IPO11: variants seen among roughly 807,000 people sequenced by gnomAD.
IPO11 encodes importin 11.
A neutral mutation model predicts 143.2 loss-of-function variants in IPO11; 66 were observed. That is an observed-to-expected ratio of 0.46 (90% CI 0.38 to 0.57). The LOEUF (loss-of-function observed/expected upper bound fraction) is 0.57, where lower values mean the gene tolerates loss of function less well. IPO11 is among the 20% of genes least tolerant of loss of function. IPO11 has a pLI of 0.00. For missense variants in IPO11, 1,026 were observed against 1,141.0 expected (o/e 0.90, Z 1.45); for synonymous variants, 385 against 377.8 (o/e 1.02, Z -0.22).
At chr5:62,487,934 C>T in intron 13 of IPO11, 73 bp downstream of exon 13, 1 of 1,248,688 alleles carries the variant, frequency 8.0e-7, no homozygotes, top group Non-Finnish European at 1.1e-6. Context: ...TGAGTGCCTA[C>T]AATGCATACT....
At chr5:62,426,668 T>C (rs1743753747) in intron 1 of IPO11, among the ~76,000 whole-genome samples, 1 of 151,948 alleles carries the variant, frequency 6.6e-6, no homozygotes. Flanking sequence ...TTTTTCATTA[T>C]TAAAGTGTGT....
At chr5:62,520,375 A>AC (rs1742164253) in intron 20 of IPO11, among the ~76,000 whole-genome samples, 1 of 147,294 alleles carries the variant, frequency 6.8e-6, no homozygotes, top group African/African-American at 2.5e-5. Context: ...GATACGACAG[A>AC]TTTTTTTTTT....
In IPO11 at chr5:62,416,601, A is replaced by G. The variant is rs549529611; in HGVS notation, c.-7+3672A>G. Among the ~76,000 whole-genome samples, 21 of 152,300 alleles carry G rather than the reference A, an allele frequency of 1.4e-4. No homozygotes were observed. The East Asian group carries it at 4.0e-3, about 29-fold the overall frequency. On this transcript the variant is annotated intron_variant, in intron 1 of 29. Transcript: ENST00000325324. The stretch of plus-strand genomic sequence containing the variant: ...TCCAAATACTGAGGGTTCGGGGGTT[A>G]GGGCTTCAACATGAATTTTTAAGGA...
intron 16 of IPO11, 72 bp from the exon 17 acceptor site, chr5:62,504,595 A>T: frequency 2.3e-6 from 2 of 869,654 alleles, no homozygotes; most frequent in Non-Finnish European, 3.6e-6. Flanking sequence ...TTGGAATAAA[A>T]TTTTTTGTTT....
At chr5:62,609,620 G>A (rs1001251284) in intron 29 of IPO11, among the ~76,000 whole-genome samples, 4 of 152,208 alleles carry the variant, frequency 2.6e-5, no homozygotes, top group African/African-American at 9.6e-5. Context: ...TGAGATGTAG[G>A]GCTGACAACA....
At chr5:62,544,629 G>C (rs1285465470) in intron 24 of IPO11, among the ~76,000 whole-genome samples, 1 of 152,132 alleles carries the variant, frequency 6.6e-6, no homozygotes, top group Non-Finnish European at 1.5e-5. Context: ...AGAAATCAAT[G>C]ATATTCAATT....
chr5:62,489,242 T>G, intron 13 of IPO11, 60 bp from the exon 14 acceptor site: 1 of 987,900 alleles, frequency 1.0e-6, no homozygotes, highest in Non-Finnish European at 1.4e-6. Context: ...AAATATAAAT[T>G]TTTTAAAAAA....
chr5:62,435,639 G>A (rs1288372173), intron 1 of IPO11, among the ~76,000 whole-genome samples: 1 of 151,634 alleles, frequency 6.6e-6, no homozygotes, highest in Non-Finnish European at 1.5e-5. Context: ...ACTTTGGGTG[G>A]CCAAGGACCT....
chr5:62,601,879 A>G (rs756465965), intron 29 of IPO11, 31 bp downstream of exon 29: 1 of 1,340,778 alleles, frequency 7.5e-7, no homozygotes, highest in Middle Eastern at 1.9e-4. Flanking sequence ...GTAAAAATTA[A>G]GAACCATATA....
At chr5:62,435,090 A>ATGTATATATG (rs1554047164) in intron 1 of IPO11, among the ~76,000 whole-genome samples, 11,181 of 82,000 alleles carry the variant, frequency 0.14, 1,173 homozygotes, top group South Asian at 0.23. Context: ...ATGTGTATAT[A>ATGTATATATG]TGTATATATG....
intron 18 of IPO11, among the ~76,000 whole-genome samples, chr5:62,505,456 A>G (rs1741522141): frequency 1.3e-5 from 2 of 152,132 alleles, no homozygotes; most frequent in African/African-American, 4.8e-5. Context: ...GGTGAGAAGA[A>G]AGTTACGTGA....
Position 62,487,826 on chromosome 5 carries a change from C to T in IPO11, c.1274C>T (p.Thr425Ile), listed in dbSNP as rs1197345106. The T allele has an allele frequency of 3.7e-6, 6 of 1,610,120 alleles. No homozygotes were observed. The highest frequency in any genetic ancestry group is 5.1e-6 in the Non-Finnish European group (6 of 1,178,738). ...DIFHEYNQTL[T>I]PVLLEMMQTL... ...TTCCATGAATATAATCAGACTCTTA[C>T]TCCTGTACTTCTAGAAATGATGCAA... The change falls in exon 13 of 30, where the codon ACT (threonine) becomes ATT (isoleucine). Residue 425 changes from threonine (T) to isoleucine (I), a missense_variant. Physicochemically the swap from Thr to Ile is moderately conservative, Grantham distance 89 (BLOSUM62 -1). Transcript: ENST00000325324.
chr5:62,547,873 T>A (rs1743258871), intron 24 of IPO11, among the ~76,000 whole-genome samples: 1 of 152,080 alleles, frequency 6.6e-6, no homozygotes, highest in Non-Finnish European at 1.5e-5. Context: ...TATGACATAG[T>A]TTAGAGTCAA....
At chr5:62,592,586 C>T (rs1258567405) in intron 28 of IPO11, among the ~76,000 whole-genome samples, 6 of 152,060 alleles carry the variant, frequency 3.9e-5, no homozygotes, top group African/African-American at 7.2e-5. Context: ...TCCATTCTCA[C>T]GCTGCTATAA....
intron 1 of IPO11, among the ~76,000 whole-genome samples, chr5:62,415,012 C>T (rs1303831967): frequency 1.3e-5 from 2 of 152,160 alleles, no homozygotes; most frequent in East Asian, 3.8e-4. Flanking sequence ...ACTGTCAGAG[C>T]TTGTTATATT....
chr5:62,415,530 G>A (rs993195825), intron 1 of IPO11, among the ~76,000 whole-genome samples: 4 of 144,602 alleles, frequency 2.8e-5, no homozygotes, highest in African/African-American at 7.8e-5. Flanking sequence ...GTGCAGTGGC[G>A]CGATCTCAAT....
rs555897571 is a variant in IPO11, at chr5:62,486,948, C to T, written c.1219-823C>T. On this transcript the variant is annotated intron_variant, in intron 12 of 29. Transcript: ENST00000325324. ...TTATAATGTTCCTTTTAAAACACCA[C>T]ACAATACCTTAAAAATTTAATTAAA... 2.0e-5 allele frequency among the ~76,000 whole-genome samples: 3 copies of T among 152,058 alleles called. No individual in the cohort carries two copies. In the South Asian group the frequency reaches 6.2e-4, roughly 32 times the overall value.
chr5:62,429,035 A>G (rs1466773943), intron 1 of IPO11, among the ~76,000 whole-genome samples: 1 of 152,156 alleles, frequency 6.6e-6, no homozygotes, highest in African/African-American at 2.4e-5. Flanking sequence ...GCTATAATTT[A>G]CAGTCCGTGT....
rs71608515 is a variant in IPO11, at chr5:62,596,268, C to CAA, written c.2678+4610_2678+4611dup. Among the ~76,000 whole-genome samples, 8 of 95,676 alleles carry CAA rather than the reference C, an allele frequency of 8.4e-5. 2 individuals are homozygous for CAA. In the East Asian group the frequency reaches 9.2e-4, roughly 11 times the overall value. 62.8% of individuals were successfully genotyped at this position (95,676 alleles called of 152,430 possible). Reference sequence around the variant, plus strand: ...TGGGTGACAGACCAAGGCCCTGTCTCAAAAAAAAAAAAAAAGAATTTAGCC... The same window carrying CAA: ...TGGGTGACAGACCAAGGCCCTGTCTCAAAAAAAAAAAAAAAAAGAATTTAGCC... On this transcript the variant is annotated intron_variant, in intron 28 of 29. Transcript: ENST00000325324.
Sources: gnomAD v4.1 joint callset for allele counts (sites outside exome capture counted in the v4.1 genomes callset) on GRCh38, gnomAD v4.1.1 for gene constraint, MANE v1.5 for transcripts, NCBI Gene and HGNC (gene_info 2026-07-23, HGNC 2026-07-21) for gene names.